The following EDARADD variants were observed in gnomAD, a reference collection of about 807,000 sequenced individuals.
EDARADD encodes the protein ectodysplasin-A receptor-associated adapter protein.
Under a neutral mutation model 25.6 loss-of-function variants are expected in EDARADD, and 20 were observed. That is an observed-to-expected ratio of 0.78 (90% CI 0.55 to 1.14). EDARADD has a LOEUF of 1.14. EDARADD is among the 50% of genes most tolerant of loss of function. The pLI is 0.00. For missense variants in EDARADD, 225 were observed against 270.1 expected, an observed-to-expected ratio of 0.83 and a Z score of 1.17; for synonymous variants, 86 against 94.4, an observed-to-expected ratio of 0.91 and a Z score of 0.52.
intron 1 of EDARADD, among the ~76,000 whole-genome samples, chr1:236,405,790 T>TTTTTCTTTCTTTCTTTC (rs1553265475): frequency 0.021 from 1,042 of 49,372 alleles, 47 homozygotes; most frequent in Middle Eastern, 0.052. Flanking sequence ...TCTTTCTTTC[T>TTTTTCTTTCTTTCTTTC]TTTCTTTTTC....
chr1:236,460,809 AGTTTTGTGGG>A (rs749741548), intron 4 of EDARADD, among the ~76,000 whole-genome samples: 8 of 150,358 alleles, frequency 5.3e-5, no homozygotes, highest in Non-Finnish European at 1.0e-4. Context: ...GACATGAGAA[AGTTTTGTGGG>A]GTTTTTTTTT....
intron 3 of EDARADD, among the ~76,000 whole-genome samples, chr1:236,418,200 G>T (rs1380263323): frequency 6.6e-6 from 1 of 150,988 alleles, no homozygotes; most frequent in African/African-American, 2.4e-5. Context: ...TGATCCACCT[G>T]CCTCGGCCTC....
At chr1:236,429,126 C>G (rs1658022741) in intron 4 of EDARADD, among the ~76,000 whole-genome samples, 1 of 151,422 alleles carries the variant, frequency 6.6e-6, no homozygotes, top group South Asian at 2.1e-4. Context: ...GGAGACCGTG[C>G]AAAGGGGAGA....
At chr1:236,384,987 C>T (rs1280321965) in intron 3 of EDARADD, among the ~76,000 whole-genome samples, 1 of 151,720 alleles carries the variant, frequency 6.6e-6, no homozygotes, top group African/African-American at 2.4e-5. Flanking sequence ...ATTAATTTAT[C>T]CAAGTCTATT....
rs1667504527 is a variant in EDARADD, at chr1:236,395,755, G to C, written c.61+1250G>C. The C allele has an allele frequency of 2.1e-6, 3 of 1,431,000 alleles. No homozygotes were observed. Among genetic ancestry groups the C allele is most frequent in the Non-Finnish European group, 2.8e-6 (3 of 1,084,546 alleles). The allele number at this position is 1,431,000 out of a possible 1,614,324, so 88.6% of individuals were successfully genotyped here. On this transcript the variant is annotated intron_variant, in intron 1 of 5. Transcript: ENST00000334232. The surrounding 1 kb of genome is among the most constrained non-coding windows in gnomAD (Gnocchi z 6.9). Reference sequence around the variant, plus strand: ...CAGCAGCCGCAGGGCTATCGAGGCCGGGCCTCGGCGACCCCCGAGGGAGGC... The same window carrying C: ...CAGCAGCCGCAGGGCTATCGAGGCCCGGCCTCGGCGACCCCCGAGGGAGGC...
intron 5 of EDARADD, among the ~76,000 whole-genome samples, chr1:236,476,454 G>A (rs1659510227): frequency 1.3e-5 from 2 of 152,078 alleles, no homozygotes; most frequent in African/African-American, 4.8e-5. Flanking sequence ...GGGAGGCCGA[G>A]GCAGGTGGAT....
chr1:236,352,440 C>A (rs985347860), intron 3 of EDARADD, among the ~76,000 whole-genome samples: 1 of 152,146 alleles, frequency 6.6e-6, no homozygotes, highest in South Asian at 2.1e-4. Flanking sequence ...TTCAGTGGCT[C>A]GTGCCTATAA....
intron 4 of EDARADD, among the ~76,000 whole-genome samples, chr1:236,440,550 A>G (rs2103022021): frequency 6.6e-6 from 1 of 151,524 alleles, no homozygotes; most frequent in Admixed American, 6.6e-5. Flanking sequence ...ATTGTGTGTT[A>G]TGTTATTGTA....
chr1:236,484,328 G>A lies in EDARADD; in HGVS notation c.*1679G>A. On this transcript the variant is annotated 3_prime_UTR_variant, in exon 6 of 6. Coordinates refer to ENST00000334232, the MANE Select transcript of EDARADD (RefSeq NM_145861.4). This position sits in a 1 kb window ranked among gnomAD's most constrained non-coding sequence, Gnocchi z 4.1. Reference sequence around the variant, plus strand: ...TCATCACTGACCTGGTGGTGGGGCTGTGACCTGGGCAGCTCAAGACTGGTG... The same window carrying A: ...TCATCACTGACCTGGTGGTGGGGCTATGACCTGGGCAGCTCAAGACTGGTG... The A allele has an allele frequency of 3.1e-6, 4 of 1,289,814 alleles. No individual in the cohort carries two copies. In the South Asian group the frequency reaches 4.7e-5, roughly 15 times the overall value. The allele number at this position is 1,289,814 out of a possible 1,614,324, so 79.9% of individuals were successfully genotyped here. A position where few individuals can be genotyped will look rare whatever the true frequency, so the allele number is the denominator to read the frequency against.
Position 236,453,915 on chromosome 1 carries a change from G to A in EDARADD, c.220-14316G>A, listed in dbSNP as rs190582430. Among the ~76,000 whole-genome samples, 146 of 152,306 alleles carry A rather than the reference G, an allele frequency of 9.6e-4. 1 individual carries two copies. Among genetic ancestry groups the A allele is most frequent in the African/African-American group, 3.3e-3 (138 of 41,574 alleles). On this transcript the variant is annotated intron_variant, in intron 4 of 5. Coordinates refer to ENST00000334232, the MANE Select transcript of EDARADD (RefSeq NM_145861.4). ...TGCATTATGTTATACAGAATAAATG[G>A]GGAACTATCTTAGTTAATGATTGAT...
At chr1:236,363,901 C>T (rs941434907) in intron 3 of EDARADD, among the ~76,000 whole-genome samples, 7 of 151,952 alleles carry the variant, frequency 4.6e-5, no homozygotes, top group African/African-American at 1.7e-4. Flanking sequence ...CTTAGTGGCT[C>T]ACACCCGCAA....
intron 5 of EDARADD, among the ~76,000 whole-genome samples, chr1:236,468,800 GA>G (rs1228954887): frequency 6.6e-6 from 1 of 152,178 alleles, no homozygotes; most frequent in Non-Finnish European, 1.5e-5. Flanking sequence ...CTTTGCATGT[GA>G]GGGGCACGGC....
intron 4 of EDARADD, among the ~76,000 whole-genome samples, chr1:236,449,903 C>T (rs1399370746): frequency 2.0e-5 from 3 of 152,178 alleles, no homozygotes; most frequent in East Asian, 1.9e-4. Flanking sequence ...GAGTTCGAGA[C>T]CTGCCTGGCC....
chr1:236,356,015 C>T (rs1319950504), intron 3 of EDARADD, among the ~76,000 whole-genome samples: 1 of 152,050 alleles, frequency 6.6e-6, no homozygotes. Context: ...TTATTTTATG[C>T]AGATAAAAAA....
chr1:236,478,456 ATGTG>A (rs560229014), intron 5 of EDARADD, among the ~76,000 whole-genome samples: 3 of 150,234 alleles, frequency 2.0e-5, no homozygotes, highest in Non-Finnish European at 4.4e-5. Context: ...TGATATATAT[ATGTG>A]TGTGTGTGTA....
chr1:236,454,328 G>A (rs1253623), intron 4 of EDARADD, among the ~76,000 whole-genome samples: 147,263 of 152,262 alleles, frequency 0.97, 71,296 homozygotes, highest in Middle Eastern at 1. Flanking sequence ...GATTACAGGC[G>A]TGAGCCACCG....
chr1:236,448,659 G>T (rs650429), intron 4 of EDARADD, among the ~76,000 whole-genome samples: 130,580 of 152,200 alleles, frequency 0.86, 57,967 homozygotes, highest in Non-Finnish European at 0.96. Context: ...CTAACTATAG[G>T]TGCTCCGGTG....
At chr1:236,451,356 C>T (rs530797264) in intron 4 of EDARADD, among the ~76,000 whole-genome samples, 66 of 152,228 alleles carry the variant, frequency 4.3e-4, no homozygotes, top group African/African-American at 1.4e-3. Flanking sequence ...ATCTGGTTAA[C>T]GTTATATTTA....
In EDARADD at chr1:236,405,796, T is replaced by C. The variant is rs866672570; in HGVS notation, c.62-3420T>C. 2.6e-3 allele frequency among the ~76,000 whole-genome samples: 282 copies of C among 110,480 alleles called. 5 individuals are homozygous for C. Among genetic ancestry groups the C allele is most frequent in the African/African-American group, 5.7e-3 (169 of 29,542 alleles). The allele number at this position is 110,480 out of a possible 152,430, so 72.5% of individuals were successfully genotyped here. The stretch of plus-strand genomic sequence containing the variant: ...TTCTTTCTTTCTTTCTTTCTTTTCT[T>C]TTTCTTTCTTTCTTTCCTTCCTTCC... On this transcript the variant is annotated intron_variant, in intron 1 of 5. Coordinates refer to ENST00000334232, the MANE Select transcript of EDARADD (RefSeq NM_145861.4).
Sources: allele counts gnomAD v4.1 joint callset (sites outside exome capture counted in the v4.1 genomes callset), GRCh38; gene constraint gnomAD v4.1.1; non-coding constraint Gnocchi (gnomAD v3.1); transcripts MANE v1.5; gene names NCBI Gene and HGNC (gene_info 2026-07-23, HGNC 2026-07-21).